Variants in ABCA12 observed in about 807,000 individuals in gnomAD.
ABCA12 encodes ATP binding cassette subfamily A member 12.
In ABCA12, 156 loss-of-function variants were observed where a neutral mutation model predicts 293.5. That is an observed-to-expected ratio of 0.53 (90% CI 0.47 to 0.61). The LOEUF is 0.61. Ranked by LOEUF, ABCA12 falls within the 20% of genes least tolerant of loss-of-function variation. The probability of loss-of-function intolerance (pLI) is 0.00; values close to 1 mark genes in which losing one functional copy is unlikely to be tolerated. For synonymous variants in ABCA12, 1,063 were observed against 1,108.0 expected, an observed-to-expected ratio of 0.96 and a Z score of 0.81; for missense variants, 2,797 against 3,090.2, an observed-to-expected ratio of 0.91 and a Z score of 2.25.
intron 50 of ABCA12, among the ~76,000 whole-genome samples, chr2:214,942,707 AG>A (rs1698446420): frequency 6.6e-6 from 1 of 152,184 alleles, no homozygotes; most frequent in Admixed American, 6.5e-5. Flanking sequence ...TACATTTATG[AG>A]TTAAATTTAT....
chr2:215,080,027 A>G lies in ABCA12; in HGVS notation c.164-15808T>C, dbSNP rs1198977896. On this transcript the variant is annotated intron_variant, in intron 2 of 52. Coordinates refer to ENST00000272895, the MANE Select transcript of ABCA12 (RefSeq NM_173076.3). ...CTTATAACAACTCGGCTAGTTGGGG[A>G]TTTTCTTTCTGCTATATACGGTAAT... Among the ~76,000 whole-genome samples, 6 of 152,114 alleles carry G rather than the reference A, an allele frequency of 3.9e-5. No homozygotes were observed. The South Asian group carries it at 1.2e-3, about 32-fold the overall frequency.
At chr2:214,935,349 T>C (rs1364340518) in intron 51 of ABCA12, among the ~76,000 whole-genome samples, 1 of 152,178 alleles carries the variant, frequency 6.6e-6, no homozygotes, top group African/African-American at 2.4e-5. Context: ...AGGGAGAATG[T>C]AATTTCATCA....
At position 215,000,843 on chromosome 2, in the gene ABCA12, T is replaced by C. The variant is rs757797127; in HGVS notation, c.3041A>G (p.Asn1014Ser). Residue 1014 changes from asparagine (N) to serine (S), a missense_variant, in exon 22 of 53, where the codon AAC becomes AGC. Coordinates refer to ENST00000272895, the MANE Select transcript of ABCA12 (RefSeq NM_173076.3). ...APGPHNSPSHNQIYGRAFIYL... is the reference protein window; with the variant it reads ...APGPHNSPSHSQIYGRAFIYL... ...AATAAAAGCCCTGCCATAGATCTGGTTGTGTGATGGAGAATTGTGTGGCCC... is the reference window on the plus strand; with the variant it reads ...AATAAAAGCCCTGCCATAGATCTGGCTGTGTGATGGAGAATTGTGTGGCCC... 6.2e-7 allele frequency: 1 copy of C among 1,613,998 alleles called. No individual in the cohort carries two copies.
At chr2:215,137,589 T>A (rs966003747) in intron 1 of ABCA12, among the ~76,000 whole-genome samples, 1 of 152,232 alleles carries the variant, frequency 6.6e-6, no homozygotes, top group African/African-American at 2.4e-5. Flanking sequence ...TCTTAAAACA[T>A]AGCACATATA....
chr2:215,103,648 G>A (rs1439114150), intron 2 of ABCA12, among the ~76,000 whole-genome samples: 1 of 151,998 alleles, frequency 6.6e-6, no homozygotes, highest in Non-Finnish European at 1.5e-5. Context: ...TTAGCTTCAT[G>A]ATACTCAAGG....
At chr2:214,956,287 G>T (rs900859098) in intron 42 of ABCA12, among the ~76,000 whole-genome samples, 2 of 151,996 alleles carry the variant, frequency 1.3e-5, no homozygotes, top group Non-Finnish European at 2.9e-5. Context: ...ATACATGAAG[G>T]TATATGCACT....
At chr2:214,981,761 GTTTTTT>G (rs11323161) in intron 30 of ABCA12, among the ~76,000 whole-genome samples, 5 of 77,000 alleles carry the variant, frequency 6.5e-5, no homozygotes, top group Non-Finnish European at 1.3e-4. Flanking sequence ...CGTCAAGCTG[GTTTTTT>G]TTTTTTTTTT....
chr2:215,097,344 C>G (rs1045997092), intron 2 of ABCA12, among the ~76,000 whole-genome samples: 1 of 151,594 alleles, frequency 6.6e-6, no homozygotes, highest in Admixed American at 6.6e-5. Context: ...TCTAAAAAAT[C>G]TTAGTGCATT....
Position 215,052,698 on chromosome 2 carries a change from G to A in ABCA12, c.410-114C>T, listed in dbSNP as rs1008318957. The stretch of plus-strand genomic sequence containing the variant: ...ACCTCATATACCCTACAGCAAGGAT[G>A]TGCTCAAACATGCCTCTTCCATGGA... On this transcript the variant is annotated intron_variant, in intron 4 of 52. Coordinates refer to ENST00000272895, the MANE Select transcript of ABCA12 (RefSeq NM_173076.3). 9 of 895,144 alleles carry A rather than the reference G, an allele frequency of 1.0e-5. No homozygotes were observed. In the African/African-American group the frequency reaches 1.5e-4, roughly 15 times the overall value. The allele number at this position is 895,144 out of a possible 1,614,324, so 55.5% of individuals were successfully genotyped here.
At position 215,043,909 on chromosome 2, in the gene ABCA12, C is replaced by T. The variant is rs76560859; in HGVS notation, c.872+1928G>A. On this transcript the variant is annotated intron_variant, in intron 7 of 52. Coordinates refer to ENST00000272895, the MANE Select transcript of ABCA12 (RefSeq NM_173076.3). Reference sequence around the variant, plus strand: ...GAACCTTCTATAAATAGGATGATAACGCTATCTACATACACAGTATATATT... The same window carrying T: ...GAACCTTCTATAAATAGGATGATAATGCTATCTACATACACAGTATATATT... Among the ~76,000 whole-genome samples, 67 of 152,016 alleles carry T rather than the reference C, an allele frequency of 4.4e-4. No individual in the cohort carries two copies. The East Asian group carries it at 7.4e-3, about 17-fold the overall frequency.
At chr2:214,996,655 G>C (rs1574971352) in intron 23 of ABCA12, among the ~76,000 whole-genome samples, 1 of 152,292 alleles carries the variant, frequency 6.6e-6, no homozygotes, top group East Asian at 1.9e-4. Context: ...TAAAAATGCA[G>C]CTGTGTGGAT....
chr2:215,122,365 G>A (rs981756292), intron 1 of ABCA12, among the ~76,000 whole-genome samples: 1 of 152,238 alleles, frequency 6.6e-6, no homozygotes, highest in East Asian at 1.9e-4. Flanking sequence ...AGTTGAGTAA[G>A]TTGTGCAGGA....
chr2:214,976,894 C>G (rs1699529647), intron 33 of ABCA12, among the ~76,000 whole-genome samples: 2 of 152,160 alleles, frequency 1.3e-5, no homozygotes, highest in African/African-American at 4.8e-5. Context: ...CTCCGAAAGC[C>G]TGCCACCACG....
intron 8 of ABCA12, 69 bp downstream of exon 8, chr2:215,036,884 C>A: frequency 2.2e-6 from 3 of 1,334,060 alleles, no homozygotes; most frequent in Non-Finnish European, 3.2e-6. Flanking sequence ...ACTTTCATTG[C>A]ACTCTGCTTT....
At chr2:215,017,220 ACT>A (rs1474818984) in intron 14 of ABCA12, among the ~76,000 whole-genome samples, 2 of 152,200 alleles carry the variant, frequency 1.3e-5, no homozygotes, top group African/African-American at 2.4e-5. Context: ...GAAATGACAC[ACT>A]CTGTCACACA....
intron 1 of ABCA12, among the ~76,000 whole-genome samples, chr2:215,122,121 C>A (rs73076517): frequency 2.0e-5 from 3 of 152,066 alleles, no homozygotes; most frequent in Non-Finnish European, 2.9e-5. Flanking sequence ...ACAGAAGCAA[C>A]GGATTTTTAT....
At chr2:215,100,911 C>T (rs1461634910) in intron 2 of ABCA12, among the ~76,000 whole-genome samples, 4 of 152,100 alleles carry the variant, frequency 2.6e-5, no homozygotes. Flanking sequence ...GACCTGGGTT[C>T]CCTGGGCATG....
intron 2 of ABCA12, chr2:215,075,403 G>A (rs758794133): frequency 5.8e-5 from 32 of 553,992 alleles, no homozygotes; most frequent in South Asian, 4.3e-4. Context: ...GTTATTGCCC[G>A]GAACTATATA....
At chr2:215,115,791 T>C (rs981414736) in intron 1 of ABCA12, among the ~76,000 whole-genome samples, 9 of 152,184 alleles carry the variant, frequency 5.9e-5, no homozygotes, top group African/African-American at 1.7e-4. Flanking sequence ...GCAAGGTAAG[T>C]GTACGTGCTA....
Sources: gnomAD v4.1 joint callset for allele counts (sites outside exome capture counted in the v4.1 genomes callset) on GRCh38, gnomAD v4.1.1 for gene constraint, MANE v1.5 for transcripts, NCBI Gene and HGNC (gene_info 2026-07-23, HGNC 2026-07-21) for gene names.